Variants in CFHR5 observed in about 807,000 individuals in gnomAD.
The protein encoded by CFHR5 is complement factor H-related protein 5.
In CFHR5, 73 loss-of-function variants were observed where a neutral mutation model predicts 62.9. That is an observed-to-expected ratio of 1.16 (90% CI 0.96 to 1.41). The LOEUF (loss-of-function observed/expected upper bound fraction) is 1.41, where lower values mean the gene tolerates loss of function less well. Among genes scored for constraint, CFHR5 ranks in the 40% most tolerant of loss-of-function variants. The pLI is 0.00. For missense variants in CFHR5, 779 were observed against 679.9 expected, an observed-to-expected ratio of 1.15 and a Z score of -1.62; for synonymous variants, 249 against 227.2, an observed-to-expected ratio of 1.10 and a Z score of -0.86.
At chr1:196,993,366 C>G (rs538869080) in intron 3 of CFHR5, among the ~76,000 whole-genome samples, 1 of 152,210 alleles carries the variant, frequency 6.6e-6, no homozygotes, top group Non-Finnish European at 1.5e-5. Flanking sequence ...GCGATCTCGG[C>G]TCACTGCAAC....
At chr1:196,991,072 CTT>C (rs369611595) in intron 3 of CFHR5, among the ~76,000 whole-genome samples, 1,738 of 152,128 alleles carry the variant, frequency 0.011, 35 homozygotes, top group African/African-American at 0.038. Flanking sequence ...TCTTTTTACT[CTT>C]TTTTCTCTAA....
At chr1:196,981,426 T>A (rs1248990761) in intron 1 of CFHR5, among the ~76,000 whole-genome samples, 1 of 151,752 alleles carries the variant, frequency 6.6e-6, no homozygotes, top group African/African-American at 2.4e-5. Flanking sequence ...ATATAGGAAA[T>A]CTCTGTACCT....
At chr1:196,994,642 G>T (rs529840601) in intron 4 of CFHR5, among the ~76,000 whole-genome samples, 8 of 152,288 alleles carry the variant, frequency 5.3e-5, no homozygotes, top group Non-Finnish European at 8.8e-5. Context: ...TTAGAAAACA[G>T]TGATGATTTA....
chr1:196,998,201 A>C lies in CFHR5; in HGVS notation c.1044A>C (p.Glu348Asp). Residue 348 changes from glutamate (E) to aspartate (D), a missense_variant, in exon 7 of 10, where the codon GAA becomes GAC. Physicochemically the swap from Glu to Asp is conservative, Grantham distance 45. Transcript: ENST00000256785. ...IKTLLKLSGK[E>D]FNHNSRIRYR... Reference sequence around the variant, plus strand: ...CATTACTCAAGCTATCTGGGAAAGAATTTAATCATAATTCTAGAATACGTT... The same window carrying C: ...CATTACTCAAGCTATCTGGGAAAGACTTTAATCATAATTCTAGAATACGTT... The C allele has an allele frequency of 1.2e-6, 2 of 1,607,046 alleles. No individual in the cohort carries two copies. Among genetic ancestry groups the C allele is most frequent in the Non-Finnish European group, 1.7e-6 (2 of 1,175,954 alleles).
At chr1:197,007,392 A>G (rs952767281) in intron 9 of CFHR5, among the ~76,000 whole-genome samples, 2 of 152,122 alleles carry the variant, frequency 1.3e-5, no homozygotes, top group Non-Finnish European at 2.9e-5. Context: ...AAAATTATGT[A>G]AGGTACATAA....
chr1:196,994,296 T>G, intron 4 of CFHR5, 40 bp downstream of exon 4: 2 of 1,476,282 alleles, frequency 1.4e-6, no homozygotes, highest in Non-Finnish European at 9.5e-7. Context: ...AAGAATTTGA[T>G]TTTTATAATA....
intron 3 of CFHR5, among the ~76,000 whole-genome samples, chr1:196,992,533 C>T (rs1189698138): frequency 6.6e-6 from 1 of 152,152 alleles, no homozygotes; most frequent in Non-Finnish European, 1.5e-5. Flanking sequence ...GGACTGCACC[C>T]GCTGTCCAAC....
intron 8 of CFHR5, among the ~76,000 whole-genome samples, chr1:197,002,965 C>T (rs1654192220): frequency 1.3e-5 from 2 of 152,110 alleles, no homozygotes; most frequent in South Asian, 4.1e-4. Flanking sequence ...ACCATCATGT[C>T]ACAATGGCCT....
rs1003086533 is a variant in CFHR5 at position 197,008,905 on chromosome 1, C to A, written c.*222C>A. On this transcript the variant is annotated 3_prime_UTR_variant, in exon 10 of 10. Transcript: ENST00000256785. Reference sequence around the variant, plus strand: ...CTTAGTCCATATTACATTGTTATAACAGAGTATCACAGACTGGATAACTTC... The same window carrying A: ...CTTAGTCCATATTACATTGTTATAAAAGAGTATCACAGACTGGATAACTTC... The A allele has an allele frequency of 3.1e-5, 15 of 491,066 alleles. No individual in the cohort carries two copies. Among genetic ancestry groups the A allele is most frequent in the African/African-American group, 2.5e-4 (13 of 51,516 alleles). 30.4% of individuals were successfully genotyped at this position (491,066 alleles called of 1,614,324 possible). A position where few individuals can be genotyped will look rare whatever the true frequency, so the allele number is the denominator to read the frequency against.
chr1:197,008,731 T>G lies in CFHR5; in HGVS notation c.*48T>G, dbSNP rs752824001. 2 of 1,475,058 alleles carry G rather than the reference T, an allele frequency of 1.4e-6. No homozygotes were observed. Among genetic ancestry groups the G allele is most frequent in the Admixed American group, 3.3e-5 (2 of 59,744 alleles). 91.4% of individuals were successfully genotyped at this position (1,475,058 alleles called of 1,614,324 possible). ...ATATTCTTCAAACATCCATCTATGC[T>G]AAAAGTAGCCATTATGTAGCCAATT... On this transcript the variant is annotated 3_prime_UTR_variant, in exon 10 of 10. Coordinates refer to ENST00000256785, the MANE Select transcript of CFHR5 (RefSeq NM_030787.4).
At chr1:196,981,278 C>T (rs1653534577) in intron 1 of CFHR5, among the ~76,000 whole-genome samples, 1 of 151,974 alleles carries the variant, frequency 6.6e-6, no homozygotes, top group African/African-American at 2.4e-5. Flanking sequence ...CGAGCTAAAA[C>T]AGCATTCAAA....
chr1:196,978,839 A>C (rs1653463226), intron 1 of CFHR5, among the ~76,000 whole-genome samples: 1 of 152,188 alleles, frequency 6.6e-6, no homozygotes, highest in Admixed American at 6.5e-5. Flanking sequence ...GTGGAAGCAG[A>C]GGAAGATAAG....
rs762367817 is a variant in CFHR5 at position 196,982,948 on chromosome 1, C to T, written c.122C>T (p.Pro41Leu). The change falls in exon 2 of 10, where the codon CCT (proline) becomes CTT (leucine). Residue 41 changes from proline to leucine, a missense_variant. Physicochemically the swap from Pro to Leu is moderately conservative, Grantham distance 98. Coordinates refer to ENST00000256785, the MANE Select transcript of CFHR5 (RefSeq NM_030787.4). Reference sequence around the variant, plus strand: ...CTGTATGATGAAGAAGATTATAACCCTTTTTCCCAAGTTCCTACAGGGGAA... The same window carrying T: ...CTGTATGATGAAGAAGATTATAACCTTTTTTCCCAAGTTCCTACAGGGGAA... ...GFLYDEEDYN[P>L]FSQVPTGEVF... is the part of the protein sequence containing the mutation. The T allele has an allele frequency of 1.2e-6, 2 of 1,614,016 alleles. No individual in the cohort carries two copies. The highest frequency in any genetic ancestry group is 8.5e-7 in the Non-Finnish European group (1 of 1,179,984).
rs1299721081 is a variant in CFHR5 at position 196,984,095 on chromosome 1, G to T, written c.388G>T (p.Val130Leu). Residue 130 changes from valine to leucine, a missense_variant, in exon 3 of 10, where the codon GTA becomes TTA. Transcript: ENST00000256785. ...AAACAATGAGAAAAACATTTCGTGT[G>T]TAGAACGGGGCTGGTCCACTCCTCC... Reference protein sequence around the residue: ...LQNNEKNISCVERGWSTPPIC... With the variant: ...LQNNEKNISCLERGWSTPPIC... The T allele has an allele frequency of 6.2e-7, 1 of 1,613,776 alleles. No individual in the cohort carries two copies. The highest frequency in any genetic ancestry group is 8.5e-7 in the Non-Finnish European group (1 of 1,179,802).
At chr1:197,005,716 C>T (rs1251981763) in intron 9 of CFHR5, among the ~76,000 whole-genome samples, 1 of 152,138 alleles carries the variant, frequency 6.6e-6, no homozygotes, top group African/African-American at 2.4e-5. Flanking sequence ...AGGATCTGTT[C>T]CTGCAACAGT....
chr1:196,990,496 C>T (rs1653815243), intron 3 of CFHR5, among the ~76,000 whole-genome samples: 1 of 152,118 alleles, frequency 6.6e-6, no homozygotes, highest in East Asian at 1.9e-4. Flanking sequence ...CATGTTTTTG[C>T]AGGGGCTGGT....
chr1:196,977,306 A>T (rs62952061), upstream of CFHR5, among the ~76,000 whole-genome samples: 4 of 144,090 alleles, frequency 2.8e-5, no homozygotes, highest in Middle Eastern at 3.5e-3. Flanking sequence ...AAAAAAAAAA[A>T]CCCAGGGGGC....
At position 197,004,806 on chromosome 1, in the gene CFHR5, C is replaced by G; in HGVS notation, c.1476C>G (p.Cys492Trp). 6.2e-7 allele frequency: 1 copy of G among 1,613,576 alleles called. No homozygotes were observed. The highest frequency in any genetic ancestry group is 8.5e-7 in the Non-Finnish European group (1 of 1,179,672). Residue 492 changes from cysteine to tryptophan, a missense_variant, in exon 9 of 10, where the codon TGC becomes TGG. Physicochemically the swap from Cys to Trp is radical, Grantham distance 215. Coordinates refer to ENST00000256785, the MANE Select transcript of CFHR5 (RefSeq NM_030787.4). Reference protein sequence around the residue: ...YKLQGSVTVTCRNKQWSEPPR... With the variant: ...YKLQGSVTVTWRNKQWSEPPR... ...TCCAGGGCTCTGTAACTGTAACATGCAGAAATAAACAGTGGTCAGAACCAC... is the reference window on the plus strand; with the variant it reads ...TCCAGGGCTCTGTAACTGTAACATGGAGAAATAAACAGTGGTCAGAACCAC...
intron 1 of CFHR5, among the ~76,000 whole-genome samples, chr1:196,980,582 G>A (rs953462766): frequency 1.5e-5 from 2 of 135,034 alleles, no homozygotes; most frequent in African/African-American, 5.9e-5. Context: ...CTGTATGTCT[G>A]TATATATACG....
Sources: gnomAD v4.1 joint callset for allele counts (sites outside exome capture counted in the v4.1 genomes callset) on GRCh38, gnomAD v4.1.1 for gene constraint, MANE v1.5 for transcripts, NCBI Gene and HGNC (gene_info 2026-07-23, HGNC 2026-07-21) for gene names.